CADM1: variants seen among roughly 807,000 people sequenced by gnomAD.
The protein encoded by CADM1 is cell adhesion molecule 1.
CADM1 carries 15 observed loss-of-function variants against 53.1 expected under a neutral mutation model. The ratio of observed to expected loss-of-function variants is 0.28; its 90% CI spans 0.19 to 0.44. The LOEUF (loss-of-function observed/expected upper bound fraction) is 0.44. Among genes scored for constraint, CADM1 ranks in the 20% least tolerant of loss-of-function variants. The pLI is 1.00. For synonymous variants in CADM1, 281 were observed against 243.0 expected (o/e 1.16, Z -1.45); for missense variants, 434 against 611.3 (o/e 0.71, Z 3.06).
intron 7 of CADM1, among the ~76,000 whole-genome samples, chr11:115,210,523 G>GA (rs544120691): frequency 8.8e-4 from 133 of 151,472 alleles, no homozygotes; most frequent in African/African-American, 2.9e-3. Flanking sequence ...ATATGAAAGA[G>GA]AAAAAAAAAT....
intron 1 of CADM1, among the ~76,000 whole-genome samples, chr11:115,339,753 G>A (rs1309274624): frequency 6.6e-6 from 1 of 152,110 alleles, no homozygotes; most frequent in Admixed American, 6.5e-5. Flanking sequence ...GCAACTTTCA[G>A]CAAGTCTCTT....
chr11:115,303,869 A>G (rs1035094635), intron 1 of CADM1, among the ~76,000 whole-genome samples: 2 of 152,032 alleles, frequency 1.3e-5, no homozygotes, highest in Non-Finnish European at 2.9e-5. Flanking sequence ...TAAATAGTTT[A>G]CCATTTATAT....
At chr11:115,368,299 G>A (rs919476821) in intron 1 of CADM1, among the ~76,000 whole-genome samples, 2 of 151,950 alleles carry the variant, frequency 1.3e-5, no homozygotes, top group South Asian at 2.1e-4. Context: ...AATGACACTT[G>A]TGGTGTTGCT....
intron 1 of CADM1, among the ~76,000 whole-genome samples, chr11:115,274,543 T>C (rs1271378741): frequency 6.6e-6 from 1 of 152,206 alleles, no homozygotes; most frequent in Non-Finnish European, 1.5e-5. Flanking sequence ...ATTGGCAATG[T>C]TTCTGTCAGA....
chr11:115,367,378 T>C (rs1376436415), intron 1 of CADM1, among the ~76,000 whole-genome samples: 2 of 152,248 alleles, frequency 1.3e-5, no homozygotes, highest in Non-Finnish European at 2.9e-5. Flanking sequence ...GAATTAGTTT[T>C]TGTACAAAGA....
At chr11:115,308,188 A>G (rs1333507913) in intron 1 of CADM1, among the ~76,000 whole-genome samples, 1 of 93,680 alleles carries the variant, frequency 1.1e-5, no homozygotes, top group Non-Finnish European at 1.9e-5. Context: ...TATCACTCAT[A>G]GGTGTGTATA....
chr11:115,364,285 A>G lies in CADM1; in HGVS notation c.125-123865T>C, dbSNP rs975611501. Among the ~76,000 whole-genome samples the G allele has an allele frequency of 4.6e-5, 7 of 152,302 alleles. No homozygotes were observed. The East Asian group carries it at 1.2e-3, about 25-fold the overall frequency. On this transcript the variant is annotated intron_variant, in intron 1 of 11. Transcript: ENST00000331581. Reference sequence around the variant, plus strand: ...CTTTTCTAAGGCCAAGTTATTTCAAATGTGTTCCTAACATTTACATTTATG... The same window carrying G: ...CTTTTCTAAGGCCAAGTTATTTCAAGTGTGTTCCTAACATTTACATTTATG...
At chr11:115,395,033 G>A (rs1175769649) in intron 1 of CADM1, among the ~76,000 whole-genome samples, 1 of 152,074 alleles carries the variant, frequency 6.6e-6, no homozygotes, top group Non-Finnish European at 1.5e-5. Context: ...TCAAATACAC[G>A]TGTGATATTT....
intron 1 of CADM1, among the ~76,000 whole-genome samples, chr11:115,497,639 T>C (rs943954450): frequency 3.9e-5 from 6 of 152,168 alleles, no homozygotes; most frequent in African/African-American, 1.4e-4. Context: ...AAAAAGAAAC[T>C]GTGGCTTCTG....
intron 1 of CADM1, among the ~76,000 whole-genome samples, chr11:115,455,342 AG>A (rs1166828845): frequency 6.6e-6 from 1 of 152,066 alleles, no homozygotes; most frequent in African/African-American, 2.4e-5. Context: ...AAGAAAAAAA[AG>A]TGGAGGGTGG....
At chr11:115,385,576 G>A (rs1046690285) in intron 1 of CADM1, among the ~76,000 whole-genome samples, 35 of 149,124 alleles carry the variant, frequency 2.3e-4, no homozygotes, top group African/African-American at 8.4e-4. Context: ...TACAAAGTCT[G>A]TCTAATAAGA....
At chr11:115,391,537 G>A (rs1946836303) in intron 1 of CADM1, among the ~76,000 whole-genome samples, 1 of 152,188 alleles carries the variant, frequency 6.6e-6, no homozygotes, top group South Asian at 2.1e-4. Context: ...AGGAGAAGGA[G>A]GAAAAGGCAA....
chr11:115,293,110 C>A (rs1450151176), intron 1 of CADM1, among the ~76,000 whole-genome samples: 1 of 152,152 alleles, frequency 6.6e-6, no homozygotes, highest in Non-Finnish European at 1.5e-5. Context: ...GGCAGAAAAT[C>A]AAAGTTTCCA....
chr11:115,355,239 G>T (rs1267118181), intron 1 of CADM1, among the ~76,000 whole-genome samples: 1 of 152,170 alleles, frequency 6.6e-6, no homozygotes, highest in African/African-American at 2.4e-5. Flanking sequence ...ATTGGATAAA[G>T]AAAATGTGGT....
chr11:115,477,870 A>G (rs571506950), intron 1 of CADM1, among the ~76,000 whole-genome samples: 2 of 152,358 alleles, frequency 1.3e-5, no homozygotes, highest in South Asian at 4.1e-4. Flanking sequence ...AGAATCTAGA[A>G]AATTGCATCC....
At chr11:115,240,983 T>C (rs1349735565) in intron 1 of CADM1, 7 of 156,926 alleles carry the variant, frequency 4.5e-5, no homozygotes, top group Non-Finnish European at 9.9e-5. Flanking sequence ...TGGGAAGGCT[T>C]AGGGTTCGGA....
At chr11:115,434,928 T>C (rs1948149065) in intron 1 of CADM1, among the ~76,000 whole-genome samples, 1 of 150,446 alleles carries the variant, frequency 6.6e-6, no homozygotes, top group Admixed American at 6.6e-5. Flanking sequence ...TGGTGCAATC[T>C]TGGCTCAACA....
intron 10 of CADM1, among the ~76,000 whole-genome samples, chr11:115,186,096 C>A (rs1057125829): frequency 7.9e-5 from 12 of 152,190 alleles, no homozygotes; most frequent in Non-Finnish European, 1.0e-4. Context: ...AGTTCAAACA[C>A]ATCGTGGGGA....
intron 8 of CADM1, among the ~76,000 whole-genome samples, chr11:115,204,343 T>A (rs1389293043): frequency 6.6e-6 from 1 of 152,202 alleles, no homozygotes; most frequent in East Asian, 1.9e-4. Flanking sequence ...CTTCTGCCTG[T>A]GCCACCGAAT....
Sources: gnomAD v4.1 joint callset for allele counts (sites outside exome capture counted in the v4.1 genomes callset) on GRCh38, gnomAD v4.1.1 for gene constraint, MANE v1.5 for transcripts, NCBI Gene and HGNC (gene_info 2026-07-23, HGNC 2026-07-21) for gene names.